Variants in PTPRT observed in about 807,000 individuals in gnomAD.
PTPRT encodes protein tyrosine phosphatase receptor type T, also known as receptor-type tyrosine-protein phosphatase T.
PTPRT carries 56 observed loss-of-function variants against 176.8 expected under a neutral mutation model. That is an observed-to-expected ratio of 0.32 (90% CI 0.26 to 0.40). The LOEUF (loss-of-function observed/expected upper bound fraction) is 0.40. Ranked by LOEUF, PTPRT falls within the 10% of genes least tolerant of loss-of-function variation. The pLI is 1.00. For synonymous variants in PTPRT, 783 were observed against 739.0 expected (o/e 1.06, Z -0.96); for missense variants, 1,540 against 1,908.2 (o/e 0.81, Z 3.60).
intron 1 of PTPRT, among the ~76,000 whole-genome samples, chr20:43,008,166 G>C (rs1984945725): frequency 6.6e-6 from 1 of 152,222 alleles, no homozygotes; most frequent in South Asian, 2.1e-4. Flanking sequence ...CACGAGGTAA[G>C]AGTATTAGGA....
chr20:42,098,672 C>G (rs1985542666), intron 26 of PTPRT, 120 bp from the exon 27 acceptor site: 1 of 1,312,514 alleles, frequency 7.6e-7, no homozygotes, highest in Non-Finnish European at 1.0e-6. Context: ...ATACAAAACA[C>G]CTGCCTGTTC....
intron 2 of PTPRT, among the ~76,000 whole-genome samples, chr20:42,834,197 A>G (rs1330925617): frequency 6.6e-6 from 1 of 152,202 alleles, no homozygotes; most frequent in Non-Finnish European, 1.5e-5. Flanking sequence ...AAAAAATTTG[A>G]GCAAACACAT....
chr20:42,098,672 C>T, intron 26 of PTPRT, 120 bp from the exon 27 acceptor site: 1 of 1,312,514 alleles, frequency 7.6e-7, no homozygotes, highest in Admixed American at 2.5e-5. Flanking sequence ...ATACAAAACA[C>T]CTGCCTGTTC....
intron 8 of PTPRT, among the ~76,000 whole-genome samples, chr20:42,457,259 A>AAT (rs2070940393): frequency 6.6e-6 from 1 of 152,194 alleles, no homozygotes; most frequent in African/African-American, 2.4e-5. Flanking sequence ...AAGAATAATA[A>AAT]ATAGTGCTAA....
intron 18 of PTPRT, among the ~76,000 whole-genome samples, chr20:42,137,596 C>T (rs1306876784): frequency 2.6e-5 from 4 of 152,124 alleles, no homozygotes; most frequent in African/African-American, 7.2e-5. Context: ...TGTGTGCTCT[C>T]GGGCAGGGCA....
intron 1 of PTPRT, among the ~76,000 whole-genome samples, chr20:42,889,338 C>T (rs1257148892): frequency 6.6e-6 from 1 of 152,182 alleles, no homozygotes; most frequent in African/African-American, 2.4e-5. Context: ...CTCAGTGACC[C>T]AATTTTTATT....
intron 22 of PTPRT, among the ~76,000 whole-genome samples, chr20:42,113,336 C>T (rs1390637325): frequency 6.6e-6 from 1 of 152,258 alleles, no homozygotes; most frequent in Non-Finnish European, 1.5e-5. Context: ...TCATCCCATC[C>T]TCGGGCATTC....
intron 1 of PTPRT, among the ~76,000 whole-genome samples, chr20:43,030,322 A>C (rs916805536): frequency 6.6e-6 from 1 of 152,212 alleles, no homozygotes; most frequent in East Asian, 1.9e-4. Context: ...TGTCTTCTCT[A>C]TCAGGAGTTG....
intron 2 of PTPRT, among the ~76,000 whole-genome samples, chr20:42,858,426 C>T (rs1445465798): frequency 1.3e-5 from 2 of 152,054 alleles, no homozygotes; most frequent in Non-Finnish European, 2.9e-5. Context: ...TGCTATCATC[C>T]GAATGTTTGT....
chr20:42,908,359 T>C (rs998419700), intron 1 of PTPRT, among the ~76,000 whole-genome samples: 5 of 152,056 alleles, frequency 3.3e-5, no homozygotes, highest in African/African-American at 1.2e-4. Flanking sequence ...TAGTACAAAC[T>C]TAGAAAAGAG....
intron 1 of PTPRT, among the ~76,000 whole-genome samples, chr20:43,163,653 C>A (rs200111114): frequency 0.027 from 3,905 of 146,748 alleles, 80 homozygotes; most frequent in South Asian, 0.12. Flanking sequence ...CAAAACAAAA[C>A]AAAAAAAAAA....
chr20:42,844,832 G>C (rs1057084419), intron 2 of PTPRT, among the ~76,000 whole-genome samples: 1 of 152,194 alleles, frequency 6.6e-6, no homozygotes, highest in Admixed American at 6.5e-5. Flanking sequence ...GGCGTACGGG[G>C]ATTTGGCAAG....
chr20:42,591,975 C>CTTTT lies in PTPRT; in HGVS notation c.1153+85887_1153+85890dup, dbSNP rs71335866. On this transcript the variant is annotated intron_variant, in intron 7 of 30. Transcript: ENST00000373187. Reference sequence around the variant, plus strand: ...GGTCATGGTCAGTTTGCTGGAGATTCTTTTTTTTTTTTTTTTTTTTTTGAC... The same window carrying CTTTT: ...GGTCATGGTCAGTTTGCTGGAGATTCTTTTTTTTTTTTTTTTTTTTTTTTTTGAC... Among the ~76,000 whole-genome samples, 736 of 102,354 alleles carry CTTTT rather than the reference C, an allele frequency of 7.2e-3. 35 individuals carry two copies. The highest frequency in any genetic ancestry group is 0.011 in the Non-Finnish European group (584 of 52,778). The allele number at this position is 102,354 out of a possible 152,430, so 67.1% of individuals were successfully genotyped here. A position where few individuals can be genotyped will look rare whatever the true frequency, so the allele number is the denominator to read the frequency against.
At chr20:42,259,063 C>T (rs896996289) in intron 13 of PTPRT, among the ~76,000 whole-genome samples, 1 of 152,230 alleles carries the variant, frequency 6.6e-6, no homozygotes, top group Non-Finnish European at 1.5e-5. Flanking sequence ...GGTTAGCACC[C>T]TGTGAGACAG....
chr20:42,683,968 C>A (rs1055485273), intron 6 of PTPRT, among the ~76,000 whole-genome samples: 2 of 152,198 alleles, frequency 1.3e-5, no homozygotes, highest in African/African-American at 4.8e-5. Flanking sequence ...AGTAGCCCAG[C>A]CTTCTCATTC....
chr20:42,676,760 T>A (rs6030404), intron 7 of PTPRT, among the ~76,000 whole-genome samples: 1 of 152,154 alleles, frequency 6.6e-6, no homozygotes, highest in Non-Finnish European at 1.5e-5. Flanking sequence ...AGATATAACA[T>A]AAATAAGGTA....
chr20:42,840,137 C>T (rs949405330), intron 2 of PTPRT, among the ~76,000 whole-genome samples: 1 of 152,092 alleles, frequency 6.6e-6, no homozygotes, highest in Admixed American at 6.5e-5. Context: ...TCTTTCCTTG[C>T]CTCCTCCTAA....
At position 42,316,064 on chromosome 20, in the gene PTPRT, T is replaced by C. The variant is rs992587719; in HGVS notation, c.1866-68A>G. 1.2e-5 allele frequency: 18 copies of C among 1,544,030 alleles called. No individual in the cohort carries two copies. The South Asian group carries it at 1.4e-4, about 12-fold the overall frequency. Reference sequence around the variant, plus strand: ...GGAAGAATGAGCTTGTTAGCTCTAATGGTGTCAACCCAACTTCTCCTATGT... The same window carrying C: ...GGAAGAATGAGCTTGTTAGCTCTAACGGTGTCAACCCAACTTCTCCTATGT... On this transcript the variant is annotated intron_variant, in intron 11 of 30. Coordinates refer to ENST00000373187, the MANE Select transcript of PTPRT (RefSeq NM_007050.6).
At chr20:42,809,199 T>C (rs957893583) in intron 2 of PTPRT, among the ~76,000 whole-genome samples, 2 of 152,114 alleles carry the variant, frequency 1.3e-5, no homozygotes, top group Admixed American at 6.5e-5. Flanking sequence ...CAATTCTCCT[T>C]CCTCTCCAAG....
Sources: allele counts gnomAD v4.1 joint callset (sites outside exome capture counted in the v4.1 genomes callset), GRCh38; gene constraint gnomAD v4.1.1; transcripts MANE v1.5; gene names NCBI Gene and HGNC (gene_info 2026-07-23, HGNC 2026-07-21).